Variants in RCSD1 observed in about 807,000 individuals in gnomAD.
The protein encoded by RCSD1 is RCSD domain containing 1.
In RCSD1, 26 loss-of-function variants were observed where a neutral mutation model predicts 42.5. The observed-to-expected ratio is 0.61, with a 90% CI of 0.45 to 0.85. The LOEUF is 0.85. Among genes scored for constraint, RCSD1 ranks in the 40% least tolerant of loss-of-function variants. RCSD1 has a pLI of 0.00. For synonymous variants in RCSD1, 220 were observed against 212.2 expected (o/e 1.04, Z -0.32); for missense variants, 571 against 528.3 (o/e 1.08, Z -0.79).
intron 1 of RCSD1, among the ~76,000 whole-genome samples, chr1:167,637,473 T>C (rs1179250356): frequency 1.3e-5 from 2 of 152,160 alleles, no homozygotes; most frequent in South Asian, 2.1e-4. Context: ...TAGAGAAAAC[T>C]AGCTTCCTGT....
At chr1:167,631,565 A>G (rs1425138369) in intron 1 of RCSD1, among the ~76,000 whole-genome samples, 1 of 152,118 alleles carries the variant, frequency 6.6e-6, no homozygotes, top group East Asian at 1.9e-4. Flanking sequence ...GCTCACTGCA[A>G]CCTCTGCCTC....
intron 4 of RCSD1, 67 bp from the exon 5 acceptor site, chr1:167,694,032 C>T (rs1351264157): frequency 6.6e-7 from 1 of 1,523,018 alleles, no homozygotes; most frequent in Non-Finnish European, 9.1e-7. Context: ...AGATAACCAA[C>T]AAGCTAAAGT....
At chr1:167,658,257 T>TA (rs1454678869) in intron 1 of RCSD1, among the ~76,000 whole-genome samples, 1 of 152,162 alleles carries the variant, frequency 6.6e-6, no homozygotes, top group Admixed American at 6.5e-5. Flanking sequence ...CATAACTATA[T>TA]AAAAAATTAC....
chr1:167,674,759 G>A (rs1198799274), intron 1 of RCSD1, among the ~76,000 whole-genome samples: 1 of 152,172 alleles, frequency 6.6e-6, no homozygotes, highest in African/African-American at 2.4e-5. Flanking sequence ...CTTTCACTTA[G>A]CGTAATGTTT....
At chr1:167,684,202 G>A (rs1374446374) in intron 2 of RCSD1, among the ~76,000 whole-genome samples, 1 of 152,238 alleles carries the variant, frequency 6.6e-6, no homozygotes, top group Non-Finnish European at 1.5e-5. Context: ...CCACCAGGGT[G>A]AGGCTTGCAC....
At chr1:167,684,079 G>A in intron 2 of RCSD1, 78 bp downstream of exon 2, 5 of 1,200,118 alleles carry the variant, frequency 4.2e-6, no homozygotes, top group Non-Finnish European at 4.8e-6. Flanking sequence ...CCAGCGGAGA[G>A]GGAGGGAGGA....
At chr1:167,646,623 T>C (rs951783867) in intron 1 of RCSD1, among the ~76,000 whole-genome samples, 5 of 152,042 alleles carry the variant, frequency 3.3e-5, no homozygotes, top group Admixed American at 2.6e-4. Flanking sequence ...TATCAACCCA[T>C]CATCTAGGTT....
chr1:167,699,239 C>G (rs753806153), intron 6 of RCSD1, among the ~76,000 whole-genome samples: 1 of 152,112 alleles, frequency 6.6e-6, no homozygotes, highest in African/African-American at 2.4e-5. Context: ...GTATCAGGGT[C>G]GCCATAAAAA....
intron 3 of RCSD1, among the ~76,000 whole-genome samples, chr1:167,686,516 G>T (rs973055280): frequency 6.6e-6 from 1 of 152,134 alleles, no homozygotes; most frequent in Non-Finnish European, 1.5e-5. Flanking sequence ...GAAACTCATC[G>T]CTGCCCCAGG....
At position 167,707,153 on chromosome 1, in the gene RCSD1, T is replaced by C. The variant is rs1659774155; in HGVS notation, c.*2457T>C. 6.6e-6 allele frequency among the ~76,000 whole-genome samples: 1 copy of C among 152,242 alleles called. No individual in the cohort carries two copies. Among genetic ancestry groups the C allele is most frequent in the East Asian group, 1.9e-4 (1 of 5,208 alleles). ...ACTATTTAAAAGGGGATTAGGATTC[T>C]GTTTCAGCTGCATGTGGAACTAGGT... On this transcript the variant is annotated 3_prime_UTR_variant, in exon 7 of 7. Coordinates refer to ENST00000367854, the MANE Select transcript of RCSD1 (RefSeq NM_052862.4).
At chr1:167,686,737 C>T (rs1354863994) in intron 3 of RCSD1, among the ~76,000 whole-genome samples, 2 of 152,220 alleles carry the variant, frequency 1.3e-5, no homozygotes, top group Non-Finnish European at 2.9e-5. Flanking sequence ...CACATACCAA[C>T]AACCTCTCTT....
chr1:167,667,591 T>G (rs2102218979), intron 1 of RCSD1, among the ~76,000 whole-genome samples: 2 of 152,324 alleles, frequency 1.3e-5, no homozygotes, highest in South Asian at 4.1e-4. Flanking sequence ...GATATGGAAT[T>G]ATAATAGATT....
chr1:167,691,110 G>A (rs1659365798), intron 4 of RCSD1, among the ~76,000 whole-genome samples: 1 of 152,200 alleles, frequency 6.6e-6, no homozygotes, highest in Non-Finnish European at 1.5e-5. Context: ...TACTCGAGCT[G>A]GATAGTGTTG....
At chr1:167,632,586 T>G (rs1019317436) in intron 1 of RCSD1, among the ~76,000 whole-genome samples, 1 of 152,074 alleles carries the variant, frequency 6.6e-6, no homozygotes, top group African/African-American at 2.4e-5. Context: ...TTATGCAGGA[T>G]TCCACCAAGA....
chr1:167,668,794 G>A (rs1658724138), intron 1 of RCSD1, among the ~76,000 whole-genome samples: 1 of 152,004 alleles, frequency 6.6e-6, no homozygotes. Context: ...GAAGGTGCAT[G>A]GTGGGGAAGG....
rs1659802963 is a variant in RCSD1 at position 167,708,212 on chromosome 1, AC to A, written c.*3517del. 6.6e-6 allele frequency among the ~76,000 whole-genome samples: 1 copy of A among 152,174 alleles called. No individual in the cohort carries two copies. The highest frequency in any genetic ancestry group is 2.4e-5 in the African/African-American group (1 of 41,442). ...GGTGAGTCAATCCTGCACTTTCTCTACAAGGCTTGCAAAGGTGAGCAAGAAG... is the reference window on the plus strand; with the variant it reads ...GGTGAGTCAATCCTGCACTTTCTCTAAAGGCTTGCAAAGGTGAGCAAGAAG... On this transcript the variant is annotated 3_prime_UTR_variant, in exon 7 of 7. Coordinates refer to ENST00000367854, the MANE Select transcript of RCSD1 (RefSeq NM_052862.4).
intron 1 of RCSD1, among the ~76,000 whole-genome samples, chr1:167,660,412 G>C (rs938432579): frequency 6.6e-6 from 1 of 151,666 alleles, no homozygotes; most frequent in Non-Finnish European, 1.5e-5. Context: ...TGCTCCTTGG[G>C]CTGTGAATCA....
intron 6 of RCSD1, among the ~76,000 whole-genome samples, chr1:167,703,742 C>T (rs1272878713): frequency 1.3e-5 from 2 of 152,160 alleles, no homozygotes; most frequent in Non-Finnish European, 2.9e-5. Flanking sequence ...ATAGTGGGGC[C>T]GGGGCTCCAG....
At chr1:167,681,941 C>T (rs1289922390) in intron 1 of RCSD1, among the ~76,000 whole-genome samples, 6 of 152,154 alleles carry the variant, frequency 3.9e-5, no homozygotes, top group East Asian at 1.9e-4. Flanking sequence ...GGTGGGGCCT[C>T]GCACTCCTCG....
Sources: gnomAD v4.1 joint callset for allele counts (sites outside exome capture counted in the v4.1 genomes callset) on GRCh38, gnomAD v4.1.1 for gene constraint, MANE v1.5 for transcripts, NCBI Gene and HGNC (gene_info 2026-07-23, HGNC 2026-07-21) for gene names.